The following NRXN3 variants were observed in gnomAD, a reference collection of about 807,000 sequenced individuals.
The protein encoded by NRXN3 is neurexin 3, also known as neurexin III.
Under a neutral mutation model 137.6 loss-of-function variants are expected in NRXN3, and 32 were observed. That is an observed-to-expected ratio of 0.23 (90% CI 0.18 to 0.31). The LOEUF (loss-of-function observed/expected upper bound fraction) is 0.31, where lower values mean the gene tolerates loss of function less well. Among genes scored for constraint, NRXN3 ranks in the 10% least tolerant of loss-of-function variants. The pLI, the probability that NRXN3 is intolerant of heterozygous loss-of-function variation, is 1.00. For synonymous variants in NRXN3, 798 were observed against 784.5 expected, an observed-to-expected ratio of 1.02 and a Z score of -0.29; for missense variants, 1,574 against 2,062.5, an observed-to-expected ratio of 0.76 and a Z score of 4.59.
intron 4 of NRXN3, among the ~76,000 whole-genome samples, chr14:78,629,746 T>G (rs1445964191): frequency 6.6e-6 from 1 of 152,218 alleles, no homozygotes; most frequent in Non-Finnish European, 1.5e-5. Context: ...GACTGTGAGG[T>G]GCTATGGAAT....
At chr14:79,355,833 G>A (rs2093403572) in intron 15 of NRXN3, among the ~76,000 whole-genome samples, 1 of 151,958 alleles carries the variant, frequency 6.6e-6, no homozygotes, top group South Asian at 2.1e-4. Context: ...TTCATCTCTT[G>A]ACTAGTTAGA....
At chr14:79,283,896 TA>T (rs1461931262) in intron 15 of NRXN3, among the ~76,000 whole-genome samples, 2 of 152,088 alleles carry the variant, frequency 1.3e-5, no homozygotes, top group Admixed American at 6.6e-5. Flanking sequence ...TTCCATATTT[TA>T]AAAAGTGCAA....
chr14:78,814,625 C>T (rs757167759), intron 10 of NRXN3, among the ~76,000 whole-genome samples: 2 of 151,998 alleles, frequency 1.3e-5, no homozygotes, highest in Non-Finnish European at 2.9e-5. Context: ...AAAACAAAAA[C>T]AAAAACAAAA....
At chr14:78,792,321 A>C (rs2153054985) in intron 8 of NRXN3, among the ~76,000 whole-genome samples, 1 of 151,284 alleles carries the variant, frequency 6.6e-6, no homozygotes, top group African/African-American at 2.4e-5. Context: ...ACTAATTTGA[A>C]ATAATTAGTA....
Position 79,301,755 on chromosome 14 carries a change from G to A in NRXN3, c.3263-165466G>A, listed in dbSNP as rs139361245. The stretch of plus-strand genomic sequence containing the variant: ...GGTGTGTGTGTGTGTGTGCGCGCGC[G>A]TGCATATATGACAACTACGTGGCTC... On this transcript the variant is annotated intron_variant, in intron 15 of 20. Coordinates refer to ENST00000335750, the MANE Select transcript of NRXN3 (RefSeq NM_001330195.2). Among the ~76,000 whole-genome samples, 1,466 of 151,864 alleles carry A rather than the reference G, an allele frequency of 9.7e-3. 9 individuals are homozygous for A. Among genetic ancestry groups the A allele is most frequent in the Middle Eastern group, 0.02 (6 of 294 alleles).
intron 15 of NRXN3, among the ~76,000 whole-genome samples, chr14:79,317,115 C>A (rs536727444): frequency 6.6e-6 from 1 of 151,900 alleles, no homozygotes; most frequent in Non-Finnish European, 1.5e-5. Context: ...GCCTGTAATC[C>A]CAGCTACTGA....
intron 15 of NRXN3, among the ~76,000 whole-genome samples, chr14:79,133,606 G>A (rs1438282389): frequency 6.6e-6 from 1 of 152,096 alleles, no homozygotes; most frequent in Non-Finnish European, 1.5e-5. Flanking sequence ...TTTAAGCCTT[G>A]TTCCAAGATT....
intron 4 of NRXN3, among the ~76,000 whole-genome samples, chr14:78,488,065 A>G (rs1443256382): frequency 1.3e-5 from 2 of 152,102 alleles, no homozygotes; most frequent in Non-Finnish European, 2.9e-5. Context: ...TCCAAAGGCC[A>G]TTCTCTTTGG....
chr14:79,231,659 A>G (rs1248624144), intron 15 of NRXN3, among the ~76,000 whole-genome samples: 1 of 152,202 alleles, frequency 6.6e-6, no homozygotes, highest in African/African-American at 2.4e-5. Context: ...ATGATTAAAT[A>G]GTCAATATGT....
At chr14:78,783,511 G>A (rs2098777415) in intron 8 of NRXN3, among the ~76,000 whole-genome samples, 1 of 151,998 alleles carries the variant, frequency 6.6e-6, no homozygotes, top group Non-Finnish European at 1.5e-5. Flanking sequence ...ATTTGAATAA[G>A]GCCTGAAGTT....
chr14:78,941,643 AC>A (rs1352496889), intron 10 of NRXN3, among the ~76,000 whole-genome samples: 2 of 152,336 alleles, frequency 1.3e-5, no homozygotes, highest in Non-Finnish European at 2.9e-5. Context: ...CTTTGCATCT[AC>A]TTAGTAGCTA....
intron 4 of NRXN3, among the ~76,000 whole-genome samples, chr14:78,579,255 T>C (rs1426396173): frequency 2.6e-5 from 4 of 152,188 alleles, no homozygotes; most frequent in South Asian, 2.1e-4. Context: ...TTAAAGATCA[T>C]TGTTGGCTGC....
At chr14:79,829,208 C>T (rs1033816913) in intron 20 of NRXN3, among the ~76,000 whole-genome samples, 21 of 152,134 alleles carry the variant, frequency 1.4e-4, no homozygotes, top group Non-Finnish European at 2.9e-5. Context: ...ATGCTTTGTA[C>T]TAAGACTATG....
intron 19 of NRXN3, among the ~76,000 whole-genome samples, chr14:79,719,372 GTA>G (rs544807637): frequency 1.3e-5 from 2 of 149,348 alleles, no homozygotes; most frequent in African/African-American, 2.5e-5. Context: ...GTGTGTATGT[GTA>G]TATATATGTG....
At chr14:78,282,056 A>G in intron 3 of NRXN3, 1 of 454,328 alleles carries the variant, frequency 2.2e-6, no homozygotes, top group South Asian at 1.5e-5. Flanking sequence ...CTTAAAGGGT[A>G]TCCTGTCCAA....
chr14:78,513,050 A>T lies in NRXN3; in HGVS notation c.758-132070A>T, dbSNP rs2153791702. 2.0e-5 allele frequency among the ~76,000 whole-genome samples: 3 copies of T among 152,232 alleles called. No homozygotes were observed. The South Asian group carries it at 6.2e-4, about 32-fold the overall frequency. ...GTAAGGCCCTCTTCTTTTTGATCCC[A>T]TGTCTACATTTGGATCTCTGGTCTG... is the stretch of plus-strand genomic sequence containing the variant. On this transcript the variant is annotated intron_variant, in intron 4 of 20. Transcript: ENST00000335750.
intron 1 of NRXN3, among the ~76,000 whole-genome samples, chr14:78,179,347 C>CT (rs922980788): frequency 1.7e-4 from 26 of 152,162 alleles, no homozygotes; most frequent in African/African-American, 6.3e-4. Flanking sequence ...AGTTTTCTGA[C>CT]TGAGAGGATG....
At chr14:78,596,486 A>G (rs1167660521) in intron 4 of NRXN3, among the ~76,000 whole-genome samples, 1 of 152,234 alleles carries the variant, frequency 6.6e-6, no homozygotes, top group African/African-American at 2.4e-5. Context: ...GTTTGCTGTG[A>G]GAAGTCAGTG....
chr14:78,640,551 A>G (rs2097614205), intron 4 of NRXN3, among the ~76,000 whole-genome samples: 1 of 152,208 alleles, frequency 6.6e-6, no homozygotes, highest in Non-Finnish European at 1.5e-5. Flanking sequence ...AGAGAAATAG[A>G]GTGATTATTA....
Sources: gnomAD v4.1 joint callset for allele counts (sites outside exome capture counted in the v4.1 genomes callset) on GRCh38, gnomAD v4.1.1 for gene constraint, MANE v1.5 for transcripts, NCBI Gene and HGNC (gene_info 2026-07-23, HGNC 2026-07-21) for gene names.